FYB1: variants seen among roughly 807,000 people sequenced by gnomAD.
FYB1 encodes FYN-binding protein 1.
A neutral mutation model predicts 94.1 loss-of-function variants in FYB1; 41 were observed. The observed-to-expected ratio is 0.44, with a 90% confidence interval of 0.34 to 0.57. FYB1 has a LOEUF of 0.57. Among genes scored for constraint, FYB1 ranks in the 20% least tolerant of loss-of-function variants. FYB1 has a pLI of 0.02. For synonymous variants in FYB1, 367 were observed against 353.2 expected (o/e 1.04, Z -0.44); for missense variants, 1,050 against 976.8 (o/e 1.07, Z -1.00).
At position 39,105,291 on chromosome 5, in the gene FYB1, A is replaced by G. The variant is rs144252564; in HGVS notation, c.*2152T>C. The stretch of plus-strand genomic sequence containing the variant: ...TATTATTTATTTGCAGCTCATCTTA[A>G]GTGACAAAATTCCATACAGAAGACT... On this transcript the variant is annotated 3_prime_UTR_variant, in exon 19 of 19. Coordinates refer to ENST00000512982, the MANE Select transcript of FYB1 (RefSeq NM_001465.6). The G allele has an allele frequency of 1.2e-3, 189 of 152,286 alleles. 1 individual carries two copies. Among genetic ancestry groups the G allele is most frequent in the African/African-American group, 4.4e-3 (182 of 41,570 alleles). The allele number at this position is 152,286 out of a possible 1,614,324, so 9.4% of individuals were successfully genotyped here.
intron 1 of FYB1, chr5:39,209,045 G>GCACA (rs1491404165): frequency 2.1e-4 from 18 of 87,102 alleles, no homozygotes; most frequent in African/African-American, 4.8e-4. Flanking sequence ...CACACACAAT[G>GCACA]CGCACACACA....
intron 2 of FYB1, among the ~76,000 whole-genome samples, chr5:39,171,602 G>C (rs1580453957): frequency 6.6e-6 from 1 of 152,144 alleles, no homozygotes; most frequent in South Asian, 2.1e-4. Flanking sequence ...CAACAGGCAG[G>C]CTGTGAAAAG....
At chr5:39,141,185 T>C in intron 3 of FYB1, 44 bp from the exon 4 acceptor site, 1 of 1,253,198 alleles carries the variant, frequency 8.0e-7, no homozygotes, top group South Asian at 1.3e-5. Flanking sequence ...AACAAGTAGA[T>C]GCTCACCTTA....
At chr5:39,199,245 T>A (rs1748104061) in intron 2 of FYB1, among the ~76,000 whole-genome samples, 1 of 152,122 alleles carries the variant, frequency 6.6e-6, no homozygotes, top group Non-Finnish European at 1.5e-5. Flanking sequence ...TCCAGTTATA[T>A]AAAATGAACA....
At chr5:39,130,474 G>A (rs986096729) in intron 10 of FYB1, 116 bp downstream of exon 10, 25 of 789,998 alleles carry the variant, frequency 3.2e-5, no homozygotes, top group Admixed American at 6.8e-5. Context: ...GCCTAAATAC[G>A]CTGACTTGAA....
chr5:39,128,993 A>G (rs1368752781), intron 10 of FYB1, among the ~76,000 whole-genome samples: 2 of 152,120 alleles, frequency 1.3e-5, no homozygotes, highest in Non-Finnish European at 2.9e-5. Flanking sequence ...ATTTGTATGA[A>G]ATAAAAAAGA....
At chr5:39,119,113 TA>T in intron 15 of FYB1, 77 bp from the exon 16 acceptor site, 1 of 681,194 alleles carries the variant, frequency 1.5e-6, no homozygotes, top group Non-Finnish European at 2.2e-6. Context: ...ATGGATTTAT[TA>T]AAAAGTTATT....
intron 1 of FYB1, among the ~76,000 whole-genome samples, chr5:39,207,757 T>G (rs143392615): frequency 1.3e-5 from 2 of 151,758 alleles, no homozygotes; most frequent in East Asian, 3.9e-4. Context: ...GCTAATCTAC[T>G]GGTTCTTAAC....
chr5:39,107,750 A>G (rs1397346011), intron 18 of FYB1, among the ~76,000 whole-genome samples: 1 of 152,016 alleles, frequency 6.6e-6, no homozygotes, highest in Non-Finnish European at 1.5e-5. Flanking sequence ...GTCACTCTGA[A>G]CGAGGTTGAA....
intron 11 of FYB1, among the ~76,000 whole-genome samples, chr5:39,126,925 G>A (rs1740719523): frequency 6.6e-6 from 1 of 151,160 alleles, no homozygotes; most frequent in African/African-American, 2.4e-5. Flanking sequence ...AGGCATGATG[G>A]CACATGCCTG....
At chr5:39,186,687 G>A (rs564010284) in intron 2 of FYB1, among the ~76,000 whole-genome samples, 6 of 130,990 alleles carry the variant, frequency 4.6e-5, no homozygotes, top group African/African-American at 1.7e-4. Context: ...CCCTGAGGCA[G>A]CAGCTGATAG....
intron 2 of FYB1, among the ~76,000 whole-genome samples, chr5:39,199,256 T>C (rs185877191): frequency 9.8e-4 from 149 of 152,286 alleles, no homozygotes; most frequent in African/African-American, 3.5e-3. Context: ...AAAATGAACA[T>C]ATACTTTCTA....
intron 1 of FYB1, among the ~76,000 whole-genome samples, chr5:39,253,761 G>C (rs184504426): frequency 6.6e-6 from 1 of 152,212 alleles, no homozygotes; most frequent in Admixed American, 6.6e-5. Flanking sequence ...GTGTTGTAAG[G>C]GTTTGTTGAA....
intron 1 of FYB1, among the ~76,000 whole-genome samples, chr5:39,244,499 C>T (rs1035477578): frequency 1.3e-5 from 2 of 152,090 alleles, no homozygotes; most frequent in African/African-American, 2.4e-5. Context: ...GCCACTTGAT[C>T]GTGGTGGATA....
chr5:39,218,494 T>A (rs778092036), intron 1 of FYB1, among the ~76,000 whole-genome samples: 1 of 152,226 alleles, frequency 6.6e-6, no homozygotes, highest in Non-Finnish European at 1.5e-5. Context: ...AGCCCATCTG[T>A]TTCCCACGCA....
chr5:39,135,745 A>G (rs189453910), intron 7 of FYB1, among the ~76,000 whole-genome samples: 1 of 152,322 alleles, frequency 6.6e-6, no homozygotes, highest in Non-Finnish European at 1.5e-5. Context: ...ATTATCATGT[A>G]CCACTAAGAA....
At chr5:39,229,994 G>A (rs1005014629) in intron 1 of FYB1, among the ~76,000 whole-genome samples, 3 of 152,040 alleles carry the variant, frequency 2.0e-5, no homozygotes, top group African/African-American at 7.2e-5. Context: ...GGCAAATCAA[G>A]ATCGGGAATC....
intron 15 of FYB1, 69 bp from the exon 16 acceptor site, chr5:39,119,105 G>A: frequency 4.3e-6 from 3 of 703,058 alleles, no homozygotes; most frequent in South Asian, 4.2e-5. Context: ...ATTTATGGAT[G>A]GATTTATTAA....
chr5:39,124,609 A>G (rs993667261), intron 12 of FYB1, among the ~76,000 whole-genome samples: 2 of 152,182 alleles, frequency 1.3e-5, no homozygotes, highest in East Asian at 1.9e-4. Flanking sequence ...GCCAGAGTAA[A>G]TGAAAGGGAC....
Sources: allele counts gnomAD v4.1 joint callset (sites outside exome capture counted in the v4.1 genomes callset), GRCh38; gene constraint gnomAD v4.1.1; transcripts MANE v1.5; gene names NCBI Gene and HGNC (gene_info 2026-07-23, HGNC 2026-07-21).